Variants in PRDM16 observed in about 807,000 individuals in gnomAD.
The protein encoded by PRDM16 is histone-lysine N-methyltransferase PRDM16.
A neutral mutation model predicts 110.6 loss-of-function variants in PRDM16; 23 were observed. That is an observed-to-expected ratio of 0.21 (90% CI 0.15 to 0.29). PRDM16 has a LOEUF of 0.29. Ranked by LOEUF, PRDM16 falls within the 10% of genes least tolerant of loss-of-function variation. The pLI is 1.00. For missense variants in PRDM16, 1,615 were observed against 1,794.3 expected (o/e 0.90, Z 1.81); for synonymous variants, 799 against 781.8 (o/e 1.02, Z -0.37).
intron 3 of PRDM16, among the ~76,000 whole-genome samples, chr1:3,260,712 G>GA (rs369921683): frequency 6.9e-6 from 1 of 145,606 alleles, no homozygotes; most frequent in Non-Finnish European, 1.5e-5. Flanking sequence ...TGATGGTGGT[G>GA]GGGTGATGAC....
At chr1:3,076,188 G>A (rs142389331) in intron 1 of PRDM16, among the ~76,000 whole-genome samples, 1 of 152,346 alleles carries the variant, frequency 6.6e-6, no homozygotes, top group Non-Finnish European at 1.5e-5. Flanking sequence ...GCGTGGGTGT[G>A]TGAAGGGGTG....
At chr1:3,162,276 G>T (rs1018128740) in intron 1 of PRDM16, among the ~76,000 whole-genome samples, 2 of 152,050 alleles carry the variant, frequency 1.3e-5, no homozygotes, top group Admixed American at 1.3e-4. Context: ...CCCTCCTCCC[G>T]AGTCCCGGGA....
At position 3,084,345 on chromosome 1, in the gene PRDM16, G is replaced by T. The variant is rs138962646; in HGVS notation, c.37+15049G>T. ...AAGGGACATTCGATCTGAAGCATGG[G>T]GCCCAGTAAGAAGATTCCAGGGAAC... On this transcript the variant is annotated intron_variant, in intron 1 of 16. Transcript: ENST00000270722. Among the ~76,000 whole-genome samples the T allele has an allele frequency of 3.1e-3, 470 of 152,312 alleles. 15 individuals carry two copies. The East Asian group carries it at 0.08, about 26-fold the overall frequency.
At chr1:3,250,304 A>T (rs528266946) in intron 3 of PRDM16, among the ~76,000 whole-genome samples, 4 of 151,938 alleles carry the variant, frequency 2.6e-5, no homozygotes, top group Non-Finnish European at 4.4e-5. Flanking sequence ...ACCTCTCGCC[A>T]CCTCGCCACA....
intron 2 of PRDM16, among the ~76,000 whole-genome samples, chr1:3,227,118 C>G (rs754644996): frequency 2.6e-5 from 4 of 152,222 alleles, no homozygotes; most frequent in African/African-American, 9.6e-5. Context: ...GCTCTTCGGG[C>G]GTCTGTTACA....
At chr1:3,107,481 A>G (rs1295555681) in intron 1 of PRDM16, among the ~76,000 whole-genome samples, 3 of 152,194 alleles carry the variant, frequency 2.0e-5, no homozygotes, top group Admixed American at 6.5e-5. Flanking sequence ...ATGTAAATAG[A>G]GCAATCCTTT....
intron 1 of PRDM16, among the ~76,000 whole-genome samples, chr1:3,090,950 C>A (rs749824732): frequency 3.3e-5 from 5 of 152,206 alleles, no homozygotes; most frequent in African/African-American, 1.2e-4. Flanking sequence ...TGGGGAGCCA[C>A]GAACGAGAAG....
chr1:3,360,727 C>T (rs976805739), intron 3 of PRDM16, among the ~76,000 whole-genome samples: 1 of 152,190 alleles, frequency 6.6e-6, no homozygotes, highest in South Asian at 2.1e-4. Context: ...GGGCCCAGCA[C>T]GCCCATCGGG....
intron 3 of PRDM16, among the ~76,000 whole-genome samples, chr1:3,262,792 G>A (rs946949516): frequency 1.3e-5 from 2 of 152,206 alleles, no homozygotes; most frequent in Non-Finnish European, 2.9e-5. Context: ...CGACACCTGC[G>A]GGGTGCTGCC....
At chr1:3,194,634 T>C (rs1638411802) in intron 2 of PRDM16, among the ~76,000 whole-genome samples, 1 of 144,142 alleles carries the variant, frequency 6.9e-6, no homozygotes, top group Non-Finnish European at 1.5e-5. Flanking sequence ...CACGCCACCG[T>C]CTCCCCGCCA....
At position 3,359,476 on chromosome 1, in the gene PRDM16, C is replaced by G. The variant is rs1349674931; in HGVS notation, c.439-25676C>G. Among the ~76,000 whole-genome samples the G allele has an allele frequency of 6.6e-6, 1 of 152,026 alleles. No individual in the cohort carries two copies. The highest frequency in any genetic ancestry group is 1.5e-5 in the Non-Finnish European group (1 of 68,016). On this transcript the variant is annotated intron_variant, in intron 3 of 16. Transcript: ENST00000270722. The surrounding 1 kb of genome is among the most constrained non-coding windows in gnomAD (Gnocchi z 4.3). ...CTAAGTAAACACACTTAAAAAAGCA[C>G]AAAGCAGCAAGAATTGCGGCCCGGG...
chr1:3,181,554 AGTCTTACACACG>A (rs1644189584), intron 1 of PRDM16, among the ~76,000 whole-genome samples: 1 of 49,026 alleles, frequency 2.0e-5, no homozygotes, highest in Non-Finnish European at 4.2e-5. Flanking sequence ...TTACACACGC[AGTCTTACACACG>A]CAGTCTTACA....
rs1569733602 is a variant in PRDM16 at position 3,412,695 on chromosome 1, T to C, written c.2498T>C (p.Leu833Pro). ...RKNHVYGERK[L>P]GAGEGLPQVC... ...AACCACGTCTATGGGGAACGCAAGC[T>C]GGGCGCCGGCGAGGGGCTGCCCCAG... The change falls in exon 9 of 17, where the codon CTG becomes CCG. Residue 833 changes from leucine (L) to proline (P), a missense_variant. By Grantham distance (98) the Leu-to-Pro change is moderately conservative (BLOSUM62 -3). This residue lies in a region of PRDM16 where 772 missense variants were observed against 748.3 expected (regional missense o/e 1.03). Transcript: ENST00000270722. The C allele has an allele frequency of 1.3e-6, 2 of 1,495,438 alleles. No homozygotes were observed. The highest frequency in any genetic ancestry group is 2.8e-5 in the African/African-American group (2 of 70,888). 92.6% of individuals were successfully genotyped at this position (1,495,438 alleles called of 1,614,324 possible).
chr1:3,427,416 G>A (rs993674921), intron 14 of PRDM16, among the ~76,000 whole-genome samples: 3 of 152,140 alleles, frequency 2.0e-5, no homozygotes, highest in African/African-American at 7.2e-5. Flanking sequence ...AGCTTTTACC[G>A]CACTGGCCAT....
intron 2 of PRDM16, among the ~76,000 whole-genome samples, chr1:3,187,367 T>C (rs1356508530): frequency 6.6e-6 from 1 of 152,046 alleles, no homozygotes; most frequent in Non-Finnish European, 1.5e-5. Flanking sequence ...GCCTCTGGAG[T>C]GCCCGGATGG....
chr1:3,127,890 G>A (rs1003181802), intron 1 of PRDM16: 1 of 153,070 alleles, frequency 6.5e-6, no homozygotes, highest in African/African-American at 2.4e-5. Context: ...CCATCAAGGG[G>A]CCTGGCTTCC....
At chr1:3,211,394 C>T (rs924246910) in intron 2 of PRDM16, among the ~76,000 whole-genome samples, 8 of 152,208 alleles carry the variant, frequency 5.3e-5, no homozygotes, top group Admixed American at 3.3e-4. Context: ...CCGAACATCT[C>T]TCGTGGTGTC....
intron 3 of PRDM16, among the ~76,000 whole-genome samples, chr1:3,342,114 T>C (rs1183040776): frequency 2.7e-4 from 41 of 152,166 alleles, no homozygotes; most frequent in Admixed American, 2.7e-3. Context: ...CACGATGGCC[T>C]CTGAGAGGGG....
chr1:3,204,824 G>C (rs1638714925), intron 2 of PRDM16, among the ~76,000 whole-genome samples: 1 of 152,198 alleles, frequency 6.6e-6, no homozygotes, highest in South Asian at 2.1e-4. Flanking sequence ...GTTAAAAAAT[G>C]GGCGGGCAGG....
Sources: allele counts gnomAD v4.1 joint callset (sites outside exome capture counted in the v4.1 genomes callset), GRCh38; gene constraint gnomAD v4.1.1; regional missense constraint gnomAD v4.1.1; non-coding constraint Gnocchi (gnomAD v3.1); transcripts MANE v1.5; gene names NCBI Gene and HGNC (gene_info 2026-07-23, HGNC 2026-07-21).